KRCC1: variants seen among roughly 807,000 people sequenced by gnomAD.
The protein encoded by KRCC1 is lysine rich coiled-coil 1.
Under a neutral mutation model 7.4 loss-of-function variants are expected in KRCC1, and 3 were observed. That is an observed-to-expected ratio of 0.40 (90% CI 0.18 to 1.04). The LOEUF (loss-of-function observed/expected upper bound fraction) is 1.04, where lower values mean the gene tolerates loss of function less well. KRCC1 is among the 50% of genes least tolerant of loss of function. The pLI is 0.33. For synonymous variants in KRCC1, 102 were observed against 101.6 expected (o/e 1.00, Z -0.02); for missense variants, 277 against 300.9 (o/e 0.92, Z 0.59).
At chr2:88,044,346 G>C (rs1037620721) in intron 1 of KRCC1, among the ~76,000 whole-genome samples, 5 of 151,616 alleles carry the variant, frequency 3.3e-5, no homozygotes, top group African/African-American at 1.2e-4. Flanking sequence ...CTTGAGTCCA[G>C]GAGTTCAAGA....
intron 1 of KRCC1, among the ~76,000 whole-genome samples, chr2:88,039,332 A>G (rs1262058338): frequency 6.6e-6 from 1 of 152,234 alleles, no homozygotes; most frequent in African/African-American, 2.4e-5. Context: ...GCTTAAAAAT[A>G]TTATGTGCTC....
chr2:88,035,652 G>A (rs1673077221), intron 2 of KRCC1, among the ~76,000 whole-genome samples: 2 of 152,076 alleles, frequency 1.3e-5, no homozygotes, highest in Non-Finnish European at 2.9e-5. Context: ...CCATGTAAGA[G>A]TAACTAAAAT....
At chr2:88,033,266 G>A (rs548445339) in intron 3 of KRCC1, among the ~76,000 whole-genome samples, 4 of 152,328 alleles carry the variant, frequency 2.6e-5, no homozygotes, top group South Asian at 4.1e-4. Context: ...GCTCAGGCCT[G>A]TAATCCCAGC....
intron 3 of KRCC1, among the ~76,000 whole-genome samples, chr2:88,029,960 G>A (rs1672963090): frequency 6.7e-6 from 1 of 150,216 alleles, no homozygotes; most frequent in East Asian, 2.0e-4. Context: ...TGATTCTCCT[G>A]CCTCAGCCTC....
At chr2:88,044,456 T>C (rs1334264029) in intron 1 of KRCC1, among the ~76,000 whole-genome samples, 2 of 152,056 alleles carry the variant, frequency 1.3e-5, no homozygotes, top group Admixed American at 6.6e-5. Flanking sequence ...GGATAAATAT[T>C]CTCAACTAAC....
intron 1 of KRCC1, among the ~76,000 whole-genome samples, chr2:88,041,032 A>T (rs1267582316): frequency 6.6e-6 from 1 of 152,248 alleles, no homozygotes; most frequent in Non-Finnish European, 1.5e-5. Context: ...AATATGCCTT[A>T]TTTGGACATT....
At chr2:88,039,086 GA>G (rs144626165) in intron 1 of KRCC1, among the ~76,000 whole-genome samples, 2 of 151,966 alleles carry the variant, frequency 1.3e-5, no homozygotes, top group African/African-American at 2.4e-5. Context: ...AGTATCCACA[GA>G]AAAAAATCTG....
At chr2:88,046,345 T>C (rs1341452863) in intron 1 of KRCC1, among the ~76,000 whole-genome samples, 1 of 152,186 alleles carries the variant, frequency 6.6e-6, no homozygotes, top group Admixed American at 6.5e-5. Flanking sequence ...CCTCAAAAAG[T>C]TGTGGTCCTT....
Position 88,053,458 on chromosome 2 carries a change from G to A in KRCC1, c.-291+2168C>T, listed in dbSNP as rs56035907. 5.3e-3 allele frequency among the ~76,000 whole-genome samples: 804 copies of A among 152,250 alleles called. 2 individuals carry two copies. The highest frequency in any genetic ancestry group is 9.6e-3 in the Non-Finnish European group (655 of 68,022). On this transcript the variant is annotated intron_variant, in intron 1 of 3. Transcript: ENST00000347055. ...CAAGTTGTTTCCAAATCTTCCTGTGGTCTGGCCATGTGAGCCAAACTGAAT... is the reference window on the plus strand; with the variant it reads ...CAAGTTGTTTCCAAATCTTCCTGTGATCTGGCCATGTGAGCCAAACTGAAT...
Position 88,027,735 on chromosome 2 carries a change from T to C in KRCC1, c.*49A>G. ...GAACACGGATATCATAAAACCAAGC[T>C]CTCACCTATTTTTTCAATTTAACTT... On this transcript the variant is annotated 3_prime_UTR_variant, in exon 4 of 4. Coordinates refer to ENST00000347055, the MANE Select transcript of KRCC1 (RefSeq NM_016618.3). 6.7e-7 allele frequency: 1 copy of C among 1,497,970 alleles called. No individual in the cohort carries two copies. The highest frequency in any genetic ancestry group is 1.4e-5 in the South Asian group (1 of 73,546). 92.8% of individuals were successfully genotyped at this position (1,497,970 alleles called of 1,614,324 possible).
In KRCC1 at chr2:88,032,098, C is replaced by T. The variant is rs142963413; in HGVS notation, c.-23+2036G>A. Among the ~76,000 whole-genome samples the T allele has an allele frequency of 9.0e-3, 1,372 of 151,740 alleles. 28 individuals are homozygous for T. Among genetic ancestry groups the T allele is most frequent in the East Asian group, 0.086 (440 of 5,118 alleles). ...CGGAGGGTGCAATAAGCCGAGATCG[C>T]GCCACTGCACTGTAGCCTGGGTGAC... On this transcript the variant is annotated intron_variant, in intron 3 of 3. Coordinates refer to ENST00000347055, the MANE Select transcript of KRCC1 (RefSeq NM_016618.3).
At chr2:88,052,288 T>G (rs149088235) in intron 1 of KRCC1, among the ~76,000 whole-genome samples, 2 of 152,382 alleles carry the variant, frequency 1.3e-5, no homozygotes, top group East Asian at 3.9e-4. Flanking sequence ...ATACTGGAAG[T>G]GTAAACTGCA....
At chr2:88,055,555 G>C (rs923358265) in intron 1 of KRCC1, 71 bp downstream of exon 1, 4 of 152,136 alleles carry the variant, frequency 2.6e-5, no homozygotes, top group African/African-American at 9.6e-5. Flanking sequence ...GGGCGCGCGA[G>C]GCCTGTCCTG....
intron 3 of KRCC1, among the ~76,000 whole-genome samples, chr2:88,029,203 CACACA>C (rs2104601847): frequency 6.6e-6 from 1 of 152,212 alleles, no homozygotes; most frequent in African/African-American, 2.4e-5. Context: ...GGATAGGAAC[CACACA>C]ACCACGGTGG....
At chr2:88,042,340 G>T (rs1246149141) in intron 1 of KRCC1, among the ~76,000 whole-genome samples, 1 of 152,074 alleles carries the variant, frequency 6.6e-6, no homozygotes, top group Non-Finnish European at 1.5e-5. Flanking sequence ...GATTACAGGC[G>T]TGAGCCACTG....
At chr2:88,055,193 A>C (rs1673590417) in intron 1 of KRCC1, among the ~76,000 whole-genome samples, 1 of 151,438 alleles carries the variant, frequency 6.6e-6, no homozygotes, top group Non-Finnish European at 1.5e-5. Flanking sequence ...TCCTACGTCA[A>C]AGTCTCTACT....
chr2:88,042,477 G>C (rs1449877594), intron 1 of KRCC1, among the ~76,000 whole-genome samples: 1 of 150,606 alleles, frequency 6.6e-6, no homozygotes, highest in Non-Finnish European at 1.5e-5. Flanking sequence ...GGAGTGCAGA[G>C]GCATGATCAT....
intron 1 of KRCC1, among the ~76,000 whole-genome samples, chr2:88,054,672 C>T (rs1469817495): frequency 1.3e-5 from 2 of 152,184 alleles, no homozygotes; most frequent in Non-Finnish European, 2.9e-5. Flanking sequence ...CTCCCTTCAT[C>T]TCCCTTTAAA....
At chr2:88,039,922 T>C (rs1194455624) in intron 1 of KRCC1, among the ~76,000 whole-genome samples, 1 of 151,836 alleles carries the variant, frequency 6.6e-6, no homozygotes, top group African/African-American at 2.4e-5. Context: ...ACCAACACTT[T>C]GGGAGGCTGA....
Sources: allele counts gnomAD v4.1 joint callset (sites outside exome capture counted in the v4.1 genomes callset), GRCh38; gene constraint gnomAD v4.1.1; transcripts MANE v1.5; gene names NCBI Gene and HGNC (gene_info 2026-07-23, HGNC 2026-07-21).